The following ETV6 variants were observed in gnomAD, a reference collection of about 807,000 sequenced individuals.
The protein encoded by ETV6 is transcription factor ETV6.
ETV6 carries 16 observed loss-of-function variants against 51.1 expected under a neutral mutation model. The ratio of observed to expected loss-of-function variants is 0.31; its 90% CI spans 0.21 to 0.48. The LOEUF (loss-of-function observed/expected upper bound fraction) is 0.48, where lower values mean the gene tolerates loss of function less well. Among genes scored for constraint, ETV6 ranks in the 20% least tolerant of loss-of-function variants. ETV6 has a pLI of 0.99. For synonymous variants in ETV6, 240 were observed against 224.1 expected, an observed-to-expected ratio of 1.07 and a Z score of -0.64; for missense variants, 458 against 594.8, an observed-to-expected ratio of 0.77 and a Z score of 2.39.
chr12:11,893,552 C>T lies in ETV6; in HGVS notation c.*2506C>T, dbSNP rs1947330901. ...ACAGGTTGAGCATCCCTAATCTGAACAGTTAAAACCCCCAAATGCCCCAAA... is the reference window on the plus strand; with the variant it reads ...ACAGGTTGAGCATCCCTAATCTGAATAGTTAAAACCCCCAAATGCCCCAAA... On this transcript the variant is annotated 3_prime_UTR_variant, in exon 8 of 8. Transcript: ENST00000396373. 4.3e-6 allele frequency: 1 copy of T among 231,732 alleles called. No individual in the cohort carries two copies. Among genetic ancestry groups the T allele is most frequent in the Non-Finnish European group, 8.5e-6 (1 of 117,294 alleles). The allele number at this position is 231,732 out of a possible 1,614,324, so 14.4% of individuals were successfully genotyped here. A position where few individuals can be genotyped will look rare whatever the true frequency, so the allele number is the denominator to read the frequency against.
chr12:11,673,925 C>G (rs1161713758), intron 1 of ETV6, among the ~76,000 whole-genome samples: 1 of 152,122 alleles, frequency 6.6e-6, no homozygotes, highest in Non-Finnish European at 1.5e-5. Flanking sequence ...AATGGAATGG[C>G]CATATTTTGG....
At chr12:11,787,028 T>C (rs1192696340) in intron 2 of ETV6, among the ~76,000 whole-genome samples, 1 of 152,298 alleles carries the variant, frequency 6.6e-6, no homozygotes, top group East Asian at 1.9e-4. Flanking sequence ...TTATGCCCCC[T>C]AAACCCCAAA....
chr12:11,784,688 G>A (rs1196300114), intron 2 of ETV6, among the ~76,000 whole-genome samples: 2 of 151,580 alleles, frequency 1.3e-5, no homozygotes, highest in Non-Finnish European at 2.9e-5. Context: ...GGAGGCTGTA[G>A]GCCACTGTAA....
rs140811371 is a variant in ETV6, at chr12:11,745,702, C to T, written c.34-6748C>T. ...AAATAGATGTTGGCAGGCTTCTTTC[C>T]TCCTTACTGCTTCTATTTATCTCAC... On this transcript the variant is annotated intron_variant, in intron 1 of 7. Coordinates refer to ENST00000396373, the MANE Select transcript of ETV6 (RefSeq NM_001987.5). Among the ~76,000 whole-genome samples, 126 of 152,318 alleles carry T rather than the reference C, an allele frequency of 8.3e-4. 1 individual carries two copies. The highest frequency in any genetic ancestry group is 2.9e-3 in the African/African-American group (122 of 41,558).
rs73288753 is a variant in ETV6, at chr12:11,712,102, C to A, written c.34-40348C>A. Among the ~76,000 whole-genome samples, 1,297 of 152,238 alleles carry A rather than the reference C, an allele frequency of 8.5e-3. 19 individuals are homozygous for A. Among genetic ancestry groups the A allele is most frequent in the African/African-American group, 0.028 (1,175 of 41,522 alleles). On this transcript the variant is annotated intron_variant, in intron 1 of 7. Coordinates refer to ENST00000396373, the MANE Select transcript of ETV6 (RefSeq NM_001987.5). ...GCGTTCTGTTTAATCCTCAGGTGGA[C>A]GTTTGAACCCTCGTAAACATGCTCC...
At position 11,703,679 on chromosome 12, in the gene ETV6, A is replaced by G. The variant is rs185382448; in HGVS notation, c.34-48771A>G. Among the ~76,000 whole-genome samples, 931 of 152,356 alleles carry G rather than the reference A, an allele frequency of 6.1e-3. 8 individuals carry two copies. The highest frequency in any genetic ancestry group is 0.011 in the Non-Finnish European group (764 of 68,034). On this transcript the variant is annotated intron_variant, in intron 1 of 7. Coordinates refer to ENST00000396373, the MANE Select transcript of ETV6 (RefSeq NM_001987.5). ...TCGTGGGGGCTATTCTGAATGATCA[A>G]TAGAGCCCACCAGAGTCCCTTATAA... is the stretch of plus-strand genomic sequence containing the variant.
rs1191109454 is a variant in ETV6, at chr12:11,748,912, G to T, written c.34-3538G>T. On this transcript the variant is annotated intron_variant, in intron 1 of 7. Coordinates refer to ENST00000396373, the MANE Select transcript of ETV6 (RefSeq NM_001987.5). ...TATTTTTTTTAAAGCTTTCTATAAT[G>T]GTTGGTGAAATTTACATTTCAACTC... Among the ~76,000 whole-genome samples the T allele has an allele frequency of 2.8e-4, 43 of 152,016 alleles. 1 individual carries two copies. Among genetic ancestry groups the T allele is most frequent in the Admixed American group, 2.8e-3 (43 of 15,264 alleles).
intron 2 of ETV6, among the ~76,000 whole-genome samples, chr12:11,791,501 C>A (rs1332743074): frequency 1.3e-5 from 2 of 152,202 alleles, no homozygotes; most frequent in Non-Finnish European, 2.9e-5. Flanking sequence ...ACCAGTACAA[C>A]TTGAGTCACA....
chr12:11,694,331 G>T (rs915038150), intron 1 of ETV6, among the ~76,000 whole-genome samples: 1 of 152,090 alleles, frequency 6.6e-6, no homozygotes, highest in Non-Finnish European at 1.5e-5. Flanking sequence ...TAGTATAAGG[G>T]CTATGTAAGA....
chr12:11,781,314 G>A (rs1457225281), intron 2 of ETV6, among the ~76,000 whole-genome samples: 1 of 152,130 alleles, frequency 6.6e-6, no homozygotes, highest in Non-Finnish European at 1.5e-5. Context: ...GTATTCAGTG[G>A]GAAGTACTTC....
intron 2 of ETV6, among the ~76,000 whole-genome samples, chr12:11,832,464 G>A (rs1490181903): frequency 6.6e-6 from 1 of 152,226 alleles, no homozygotes; most frequent in East Asian, 1.9e-4. Context: ...TCAGGGTTGT[G>A]GGAAATGGAA....
Position 11,650,036 on chromosome 12 carries a change from C to G in ETV6, c.-92C>G, listed in dbSNP as rs1156808271. 7.0e-6 allele frequency: 8 copies of G among 1,144,504 alleles called. No individual in the cohort carries two copies. Among genetic ancestry groups the G allele is most frequent in the Admixed American group, 1.7e-5 (1 of 58,840 alleles). 70.9% of individuals were successfully genotyped at this position (1,144,504 alleles called of 1,614,324 possible). ...CTGGAAGAAACTTCTTAAATGACCG[C>G]GTCTGGCTGGCCGTGGAGCCTTTCT... is the stretch of plus-strand genomic sequence containing the variant. On this transcript the variant is annotated 5_prime_UTR_variant, in exon 1 of 8. Coordinates refer to ENST00000396373, the MANE Select transcript of ETV6 (RefSeq NM_001987.5).
At position 11,656,774 on chromosome 12, in the gene ETV6, C is replaced by T. The variant is rs1864007228; in HGVS notation, c.33+6614C>T. On this transcript the variant is annotated intron_variant, in intron 1 of 7. Transcript: ENST00000396373. ...ATCCTGCCCGGCCTCGGGCTAGACA[C>T]CTTCTTTGCCTGCTTTTTACTTCCT... Among the ~76,000 whole-genome samples the T allele has an allele frequency of 4.6e-5, 7 of 152,074 alleles. 1 individual carries two copies. The South Asian group carries it at 1.5e-3, about 32-fold the overall frequency.
At chr12:11,726,580 C>T (rs1358162851) in intron 1 of ETV6, among the ~76,000 whole-genome samples, 1 of 152,128 alleles carries the variant, frequency 6.6e-6, no homozygotes, top group Non-Finnish European at 1.5e-5. Context: ...GAGTTCAAGA[C>T]CAGCCTGGAC....
At chr12:11,684,039 G>A (rs1864582353) in intron 1 of ETV6, among the ~76,000 whole-genome samples, 1 of 152,168 alleles carries the variant, frequency 6.6e-6, no homozygotes, top group Non-Finnish European at 1.5e-5. Context: ...CATGGATAGA[G>A]GGTAAAGGTA....
chr12:11,847,987 G>C (rs962337207), intron 3 of ETV6, among the ~76,000 whole-genome samples: 6 of 152,058 alleles, frequency 3.9e-5, no homozygotes, highest in African/African-American at 1.2e-4. Context: ...TGTCAACTGG[G>C]GAAAAAAATT....
At chr12:11,853,743 C>T (rs1565552862) in intron 4 of ETV6, among the ~76,000 whole-genome samples, 182 bp downstream of exon 4, 1 of 152,198 alleles carries the variant, frequency 6.6e-6, no homozygotes, top group African/African-American at 2.4e-5. Flanking sequence ...CAAAGCGAAG[C>T]AGTGAGATGG....
At position 11,650,056 on chromosome 12, in the gene ETV6, C is replaced by T; in HGVS notation, c.-72C>T. ...GACCGCGTCTGGCTGGCCGTGGAGCCTTTCTGGGTTGGGGAGAGGAAAGGA... is the reference window on the plus strand; with the variant it reads ...GACCGCGTCTGGCTGGCCGTGGAGCTTTTCTGGGTTGGGGAGAGGAAAGGA... On this transcript the variant is annotated 5_prime_UTR_variant, in exon 1 of 8. Transcript: ENST00000396373. 7.1e-7 allele frequency: 1 copy of T among 1,412,094 alleles called. No homozygotes were observed. The highest frequency in any genetic ancestry group is 2.3e-5 in the East Asian group (1 of 43,834). The allele number at this position is 1,412,094 out of a possible 1,614,324, so 87.5% of individuals were successfully genotyped here. A position where few individuals can be genotyped will look rare whatever the true frequency, so the allele number is the denominator to read the frequency against.
At chr12:11,703,115 C>T (rs1865013607) in intron 1 of ETV6, among the ~76,000 whole-genome samples, 1 of 152,032 alleles carries the variant, frequency 6.6e-6, no homozygotes, top group Admixed American at 6.6e-5. Flanking sequence ...TGGAAGAAAA[C>T]AAACAAGTGA....
Sources: allele counts gnomAD v4.1 joint callset (sites outside exome capture counted in the v4.1 genomes callset), GRCh38; gene constraint gnomAD v4.1.1; transcripts MANE v1.5; gene names NCBI Gene and HGNC (gene_info 2026-07-23, HGNC 2026-07-21).